Variants in ASB18 observed in about 807,000 individuals in gnomAD.
ASB18 encodes the protein ankyrin repeat and SOCS box containing 18.
ASB18 carries 33 observed loss-of-function variants against 33.4 expected under a neutral mutation model. The ratio of observed to expected loss-of-function variants is 0.99; its 90% CI spans 0.75 to 1.32. The LOEUF is 1.32. ASB18 is among the 40% of genes most tolerant of loss of function. The probability of loss-of-function intolerance (pLI) is 0.00; values close to 1 mark genes in which losing one functional copy is unlikely to be tolerated. For synonymous variants in ASB18, 295 were observed against 307.6 expected (o/e 0.96, Z 0.43); for missense variants, 694 against 655.5 (o/e 1.06, Z -0.64).
rs150552681 is a variant in ASB18, at chr2:236,262,886, G to T, written c.205+1255C>A. ...CCCAGAAAGTAGACCCAAACCAAGG[G>T]GGGGGGGCGGACCCCCTCGGAAGTT... On this transcript the variant is annotated intron_variant, in intron 1 of 5. Coordinates refer to ENST00000409749, the MANE Select transcript of ASB18 (RefSeq NM_212556.4). This position sits in a 1 kb window ranked among gnomAD's most constrained non-coding sequence, Gnocchi z 5.2. Among the ~76,000 whole-genome samples, 992 of 152,094 alleles carry T rather than the reference G, an allele frequency of 6.5e-3. 51 individuals are homozygous for T. Among genetic ancestry groups the T allele is most frequent in the Admixed American group, 0.059 (900 of 15,284 alleles).
chr2:236,248,914 G>A lies in ASB18; in HGVS notation c.206-7512C>T, dbSNP rs2060657366. ...AACTGCAGACCCATAGGAATCTGTTGTCCTTGTGAATCGAATGACTGAAAC... is the reference window on the plus strand; with the variant it reads ...AACTGCAGACCCATAGGAATCTGTTATCCTTGTGAATCGAATGACTGAAAC... On this transcript the variant is annotated intron_variant, in intron 1 of 5. Transcript: ENST00000409749. This position sits in a 1 kb window ranked among gnomAD's most constrained non-coding sequence, Gnocchi z 4.9. 6.6e-6 allele frequency: 1 copy of A among 152,192 alleles called. No homozygotes were observed. Among genetic ancestry groups the A allele is most frequent in the Non-Finnish European group, 1.5e-5 (1 of 68,048 alleles). 9.4% of individuals were successfully genotyped at this position (152,192 alleles called of 1,614,324 possible). A position where few individuals can be genotyped will look rare whatever the true frequency, so the allele number is the denominator to read the frequency against.
In ASB18 at chr2:236,237,323, C is replaced by T. The variant is rs2106278313; in HGVS notation, c.596+366G>A. 6.7e-6 allele frequency among the ~76,000 whole-genome samples: 1 copy of T among 149,976 alleles called. No homozygotes were observed. The highest frequency in any genetic ancestry group is 2.0e-4 in the East Asian group (1 of 5,094). On this transcript the variant is annotated intron_variant, in intron 3 of 5. Transcript: ENST00000409749. The surrounding 1 kb of genome is among the most constrained non-coding windows in gnomAD (Gnocchi z 6.2). ...TCCCGCGCGCGCTCGCAATCAAGCG[C>T]TAATTAAACCCGCGGGGGCCGGGGC...
rs2060711055 is a variant in ASB18 at position 236,260,078 on chromosome 2, C to A, written c.205+4063G>T. Reference sequence around the variant, plus strand: ...CACAGGCCGATGAGCATGGTGATTGCACTGCAAGAGGCAAGGTCCTCAAGT... The same window carrying A: ...CACAGGCCGATGAGCATGGTGATTGAACTGCAAGAGGCAAGGTCCTCAAGT... On this transcript the variant is annotated intron_variant, in intron 1 of 5. Coordinates refer to ENST00000409749, the MANE Select transcript of ASB18 (RefSeq NM_212556.4). This position sits in a 1 kb window ranked among gnomAD's most constrained non-coding sequence, Gnocchi z 5.1. 6.6e-6 allele frequency among the ~76,000 whole-genome samples: 1 copy of A among 152,176 alleles called. No homozygotes were observed. Among genetic ancestry groups the A allele is most frequent in the African/African-American group, 2.4e-5 (1 of 41,446 alleles).
rs2060429096 is a variant in ASB18 at position 236,205,699 on chromosome 2, C to G, written c.1101+8663G>C. Among the ~76,000 whole-genome samples the G allele has an allele frequency of 6.6e-6, 1 of 152,092 alleles. No homozygotes were observed. Among genetic ancestry groups the G allele is most frequent in the African/African-American group, 2.4e-5 (1 of 41,436 alleles). ...AATAATTGAAGTATTTTTTCTTTTT[C>G]AGAAAATGCATTAGAAAGGCATGTT... On this transcript the variant is annotated intron_variant, in intron 4 of 5. Transcript: ENST00000409749. The surrounding 1 kb of genome is among the most constrained non-coding windows in gnomAD (Gnocchi z 5.4).
Position 236,214,427 on chromosome 2 carries a change from G to T in ASB18, c.1036C>A (p.Gln346Lys). The T allele has an allele frequency of 6.4e-7, 1 of 1,560,112 alleles. No homozygotes were observed. The change falls in exon 4 of 6, where the codon CAG (glutamine) becomes AAG (lysine). Residue 346 changes from glutamine to lysine, a missense_variant. By Grantham distance (53) the Gln-to-Lys change is moderately conservative. Transcript: ENST00000409749. The surrounding 1 kb of genome is among the most constrained non-coding windows in gnomAD (Gnocchi z 6.5). The stretch of plus-strand genomic sequence containing the variant: ...TTGAGCAGCGCCTGCACCGTGCGCT[G>T]CGGTGAGGCCTGGAGAGCGCAGGAT... Reference protein sequence around the residue: ...TASCALQASPQRTVQALLNHG... With the variant: ...TASCALQASPKRTVQALLNHG...
Position 236,245,303 on chromosome 2 carries a change from C to A in ASB18, c.206-3901G>T, listed in dbSNP as rs2060639613. Among the ~76,000 whole-genome samples the A allele has an allele frequency of 6.6e-6, 1 of 152,164 alleles. No homozygotes were observed. The highest frequency in any genetic ancestry group is 6.5e-5 in the Admixed American group (1 of 15,276). On this transcript the variant is annotated intron_variant, in intron 1 of 5. Coordinates refer to ENST00000409749, the MANE Select transcript of ASB18 (RefSeq NM_212556.4). The surrounding 1 kb of genome is among the most constrained non-coding windows in gnomAD (Gnocchi z 4.7). ...GCTAGTGACTCTGTGTCAGGTGTAT[C>A]CCTGCAGGTTGATACCCTTGATGTC...
chr2:236,236,674 G>A (rs899354682), intron 3 of ASB18, among the ~76,000 whole-genome samples: 10 of 152,052 alleles, frequency 6.6e-5, no homozygotes, highest in Non-Finnish European at 1.2e-4. Context: ...CCCTGCCTGA[G>A]TCCCTGAATG....
In ASB18 at chr2:236,228,930, G is replaced by GA. The variant is rs1005603256; in HGVS notation, c.596+8758dup. On this transcript the variant is annotated intron_variant, in intron 3 of 5. Transcript: ENST00000409749. This position sits in a 1 kb window ranked among gnomAD's most constrained non-coding sequence, Gnocchi z 5.1. ...TATCAAACACCCAATGAAATGTAGA[G>GA]AAAAAACCAAAAAATCAAAAGTGAC... 3.9e-4 allele frequency among the ~76,000 whole-genome samples: 59 copies of GA among 152,188 alleles called. No individual in the cohort carries two copies. The highest frequency in any genetic ancestry group is 1.2e-3 in the African/African-American group (48 of 41,516).
At chr2:236,224,513 C>T (rs1224964444) in intron 3 of ASB18, among the ~76,000 whole-genome samples, 1 of 151,966 alleles carries the variant, frequency 6.6e-6, no homozygotes, top group Non-Finnish European at 1.5e-5. Flanking sequence ...AGGGAGGTGG[C>T]CAGAGATAAG....
In ASB18 at chr2:236,209,344, C is replaced by T. The variant is rs2060448642; in HGVS notation, c.1101+5018G>A. ...CTGGAGTGTAGTATTGCAATCATGG[C>T]TCACTGCAGCTTCCACCCCCTGGGT... On this transcript the variant is annotated intron_variant, in intron 4 of 5. Transcript: ENST00000409749. The surrounding 1 kb of genome is among the most constrained non-coding windows in gnomAD (Gnocchi z 4.4). 1.3e-5 allele frequency among the ~76,000 whole-genome samples: 2 copies of T among 150,806 alleles called. No individual in the cohort carries two copies. Among genetic ancestry groups the T allele is most frequent in the Non-Finnish European group, 2.9e-5 (2 of 67,908 alleles).
rs2060693093 is a variant in ASB18 at position 236,256,543 on chromosome 2, G to A, written c.205+7598C>T. Among the ~76,000 whole-genome samples, 2 of 152,142 alleles carry A rather than the reference G, an allele frequency of 1.3e-5. No individual in the cohort carries two copies. The highest frequency in any genetic ancestry group is 6.5e-5 in the Admixed American group (1 of 15,270). On this transcript the variant is annotated intron_variant, in intron 1 of 5. Transcript: ENST00000409749. The surrounding 1 kb of genome is among the most constrained non-coding windows in gnomAD (Gnocchi z 4.7). ...AGAGCACTTGTGGCAGGAAACTGTCGTCATCTCAGAAAGGTAGAAAAGCCT... is the reference window on the plus strand; with the variant it reads ...AGAGCACTTGTGGCAGGAAACTGTCATCATCTCAGAAAGGTAGAAAAGCCT...
At position 236,226,778 on chromosome 2, in the gene ASB18, A is replaced by C. The variant is rs190525940; in HGVS notation, c.596+10911T>G. On this transcript the variant is annotated intron_variant, in intron 3 of 5. Transcript: ENST00000409749. The surrounding 1 kb of genome is among the most constrained non-coding windows in gnomAD (Gnocchi z 4.8). ...AGAAGCAATATTTTTCTGATCCTTT[A>C]AAGTGGGAGAGGAGTTGGGGCCCAA... 3.9e-5 allele frequency among the ~76,000 whole-genome samples: 6 copies of C among 152,332 alleles called. No homozygotes were observed. The highest frequency in any genetic ancestry group is 3.3e-4 in the Admixed American group (5 of 15,290).
At position 236,221,684 on chromosome 2, in the gene ASB18, A is replaced by G. The variant is rs1166349660; in HGVS notation, c.597-6818T>C. 6.6e-6 allele frequency among the ~76,000 whole-genome samples: 1 copy of G among 152,120 alleles called. No individual in the cohort carries two copies. Among genetic ancestry groups the G allele is most frequent in the African/African-American group, 2.4e-5 (1 of 41,416 alleles). ...TTATCAGAAGCGTGAAAACGGACTAATACAGCATCTGTCTCCTTAAGTCAC... is the reference window on the plus strand; with the variant it reads ...TTATCAGAAGCGTGAAAACGGACTAGTACAGCATCTGTCTCCTTAAGTCAC... On this transcript the variant is annotated intron_variant, in intron 3 of 5. Coordinates refer to ENST00000409749, the MANE Select transcript of ASB18 (RefSeq NM_212556.4). This position sits in a 1 kb window ranked among gnomAD's most constrained non-coding sequence, Gnocchi z 5.6.
rs1017477318 is a variant in ASB18, at chr2:236,262,155, T to C, written c.205+1986A>G. Reference sequence around the variant, plus strand: ...AGTAAAGATTTTGCAGGGCAATTAGTAATGTGAAAAGAAAGGATATTTAGG... The same window carrying C: ...AGTAAAGATTTTGCAGGGCAATTAGCAATGTGAAAAGAAAGGATATTTAGG... On this transcript the variant is annotated intron_variant, in intron 1 of 5. Transcript: ENST00000409749. This position sits in a 1 kb window ranked among gnomAD's most constrained non-coding sequence, Gnocchi z 5.2. Among the ~76,000 whole-genome samples, 7 of 152,234 alleles carry C rather than the reference T, an allele frequency of 4.6e-5. No individual in the cohort carries two copies. Among genetic ancestry groups the C allele is most frequent in the African/African-American group, 1.7e-4 (7 of 41,452 alleles).
In ASB18 at chr2:236,204,699, G is replaced by A. The variant is rs565228166; in HGVS notation, c.1102-8314C>T. Among the ~76,000 whole-genome samples the A allele has an allele frequency of 2.6e-5, 4 of 152,068 alleles. No homozygotes were observed. The highest frequency in any genetic ancestry group is 7.2e-5 in the African/African-American group (3 of 41,470). On this transcript the variant is annotated intron_variant, in intron 4 of 5. Transcript: ENST00000409749. This position sits in a 1 kb window ranked among gnomAD's most constrained non-coding sequence, Gnocchi z 5.1. ...CAACCTGCTGTGCCACCCATAACCT[G>A]CCCCATTCCCAAGTGATAGCAAACT...
chr2:236,258,413 A>C (rs1409262242), intron 1 of ASB18, among the ~76,000 whole-genome samples: 1 of 152,182 alleles, frequency 6.6e-6, no homozygotes, highest in Non-Finnish European at 1.5e-5. Context: ...GTCACGGGAG[A>C]GCTTAGGCAA....
chr2:236,224,926 C>T (rs1192022842), intron 3 of ASB18, among the ~76,000 whole-genome samples: 1 of 152,160 alleles, frequency 6.6e-6, no homozygotes, highest in Non-Finnish European at 1.5e-5. Flanking sequence ...CTTCTCTCTA[C>T]TTGAATAACC....
intron 3 of ASB18, among the ~76,000 whole-genome samples, chr2:236,227,359 A>T (rs1282014950): frequency 6.6e-6 from 1 of 152,260 alleles, no homozygotes; most frequent in Non-Finnish European, 1.5e-5. Context: ...TATAAAAGAA[A>T]TACAGTGATT....
rs1394886795 is a variant in ASB18, at chr2:236,257,745, T to G, written c.205+6396A>C. On this transcript the variant is annotated intron_variant, in intron 1 of 5. Coordinates refer to ENST00000409749, the MANE Select transcript of ASB18 (RefSeq NM_212556.4). The surrounding 1 kb of genome is among the most constrained non-coding windows in gnomAD (Gnocchi z 5.5). ...CTGTTGACCAGCAAGTGAACACAGG[T>G]GAGCAGCAGTGTTCCGGTCTGTAGA... Among the ~76,000 whole-genome samples the G allele has an allele frequency of 6.6e-6, 1 of 152,246 alleles. No homozygotes were observed. The highest frequency in any genetic ancestry group is 1.5e-5 in the Non-Finnish European group (1 of 68,008).
Sources: gnomAD v4.1 joint callset for allele counts (sites outside exome capture counted in the v4.1 genomes callset) on GRCh38, gnomAD v4.1.1 for gene constraint, Gnocchi (gnomAD v3.1) non-coding constraint, MANE v1.5 for transcripts, NCBI Gene and HGNC (gene_info 2026-07-23, HGNC 2026-07-21) for gene names.